Variants in MAML2 observed in about 807,000 individuals in gnomAD.
MAML2 encodes the protein mastermind like transcriptional coactivator 2.
Under a neutral mutation model 96.1 loss-of-function variants are expected in MAML2, and 22 were observed. That is an observed-to-expected ratio of 0.23 (90% CI 0.16 to 0.33). The LOEUF (loss-of-function observed/expected upper bound fraction) is 0.33. MAML2 is among the 10% of genes least tolerant of loss of function. The probability of loss-of-function intolerance (pLI) is 1.00; values close to 1 mark genes in which losing one functional copy is unlikely to be tolerated. For missense variants in MAML2, 1,367 were observed against 1,392.4 expected, an observed-to-expected ratio of 0.98 and a Z score of 0.29; for synonymous variants, 561 against 521.3, an observed-to-expected ratio of 1.08 and a Z score of -1.04.
intron 1 of MAML2, among the ~76,000 whole-genome samples, chr11:96,213,565 G>T (rs924093026): frequency 6.6e-6 from 1 of 152,194 alleles, no homozygotes; most frequent in Non-Finnish European, 1.5e-5. Flanking sequence ...GCCTTAAGAA[G>T]TGTAGATGGC....
chr11:96,060,592 G>C (rs1384005494), intron 2 of MAML2, among the ~76,000 whole-genome samples: 1 of 152,118 alleles, frequency 6.6e-6, no homozygotes, highest in Non-Finnish European at 1.5e-5. Flanking sequence ...GACCTAATGA[G>C]AAGAAAGTGG....
intron 4 of MAML2, among the ~76,000 whole-genome samples, chr11:95,985,256 G>T (rs1330527127): frequency 6.6e-6 from 1 of 152,198 alleles, no homozygotes; most frequent in African/African-American, 2.4e-5. Flanking sequence ...TTTGGAAGGA[G>T]AATGATTGAA....
At chr11:96,078,997 G>C (rs1039459438) in intron 2 of MAML2, among the ~76,000 whole-genome samples, 1 of 152,186 alleles carries the variant, frequency 6.6e-6, no homozygotes, top group Non-Finnish European at 1.5e-5. Flanking sequence ...TTTTCCACCT[G>C]TAATTCTGAA....
intron 2 of MAML2, among the ~76,000 whole-genome samples, chr11:96,051,975 G>C (rs1422265848): frequency 6.6e-6 from 1 of 152,176 alleles, no homozygotes; most frequent in African/African-American, 2.4e-5. Flanking sequence ...TTAGAAACTA[G>C]ACTATGAGAT....
intron 1 of MAML2, among the ~76,000 whole-genome samples, chr11:96,226,763 A>C (rs577862286): frequency 6.6e-6 from 1 of 152,338 alleles, no homozygotes; most frequent in Non-Finnish European, 1.5e-5. Context: ...ATTTATTATT[A>C]TTCTTATTCT....
At chr11:96,002,745 G>GGGA (rs1322645602) in intron 2 of MAML2, among the ~76,000 whole-genome samples, 59 of 134,412 alleles carry the variant, frequency 4.4e-4, no homozygotes, top group African/African-American at 1.6e-3. Flanking sequence ...AAAGATGATC[G>GGGA]GGATGATGAG....
intron 1 of MAML2, among the ~76,000 whole-genome samples, chr11:96,294,979 G>A (rs1863270783): frequency 6.6e-6 from 1 of 152,088 alleles, no homozygotes; most frequent in Non-Finnish European, 1.5e-5. Context: ...GTTCTCTTTG[G>A]CCAGTAACAT....
At chr11:96,156,452 G>A (rs1187972366) in intron 1 of MAML2, among the ~76,000 whole-genome samples, 1 of 152,064 alleles carries the variant, frequency 6.6e-6, no homozygotes, top group Non-Finnish European at 1.5e-5. Flanking sequence ...CTCATTGTTG[G>A]GATGGCTGCC....
intron 1 of MAML2, among the ~76,000 whole-genome samples, chr11:96,099,692 G>A (rs936639819): frequency 6.6e-6 from 1 of 152,150 alleles, no homozygotes; most frequent in Non-Finnish European, 1.5e-5. Context: ...CTAAAAAGGA[G>A]GTTGTGGGTT....
intron 2 of MAML2, among the ~76,000 whole-genome samples, chr11:96,069,044 C>T (rs2135786025): frequency 6.7e-6 from 1 of 149,970 alleles, no homozygotes; most frequent in South Asian, 2.2e-4. Context: ...GTCTCAGCTT[C>T]ATGAGTAGCT....
At chr11:96,074,904 G>T (rs930134784) in intron 2 of MAML2, among the ~76,000 whole-genome samples, 2 of 152,178 alleles carry the variant, frequency 1.3e-5, no homozygotes, top group African/African-American at 2.4e-5. Context: ...TGGGAGTACT[G>T]GAGGGCAGGG....
At chr11:96,112,219 A>G (rs1037726650) in intron 1 of MAML2, among the ~76,000 whole-genome samples, 1 of 152,230 alleles carries the variant, frequency 6.6e-6, no homozygotes, top group African/African-American at 2.4e-5. Context: ...CAACCAAACA[A>G]TTTCATAGTG....
At chr11:96,157,066 G>A (rs1375122467) in intron 1 of MAML2, among the ~76,000 whole-genome samples, 1 of 152,206 alleles carries the variant, frequency 6.6e-6, no homozygotes, top group Non-Finnish European at 1.5e-5. Flanking sequence ...TTCAGCAGAG[G>A]AAGGAAGTGC....
chr11:96,112,390 G>A (rs891445333), intron 1 of MAML2, among the ~76,000 whole-genome samples: 6 of 152,248 alleles, frequency 3.9e-5, no homozygotes, highest in African/African-American at 7.2e-5. Context: ...GCATGGCCTC[G>A]GGCCTGCCTC....
intron 1 of MAML2, among the ~76,000 whole-genome samples, chr11:96,150,581 A>G (rs1268386200): frequency 6.6e-6 from 1 of 152,198 alleles, no homozygotes; most frequent in Admixed American, 6.5e-5. Flanking sequence ...CAGGATGATG[A>G]GAGCAGAGAG....
At chr11:96,248,587 C>T (rs1413772512) in intron 1 of MAML2, among the ~76,000 whole-genome samples, 1 of 152,114 alleles carries the variant, frequency 6.6e-6, no homozygotes, top group Non-Finnish European at 1.5e-5. Flanking sequence ...GGGACTTCAC[C>T]CCAGCAATTC....
At chr11:96,263,241 G>A (rs1862776670) in intron 1 of MAML2, among the ~76,000 whole-genome samples, 1 of 152,166 alleles carries the variant, frequency 6.6e-6, no homozygotes, top group African/African-American at 2.4e-5. Context: ...TCCAATTCAG[G>A]TATGTTTTGA....
intron 1 of MAML2, among the ~76,000 whole-genome samples, chr11:96,248,062 T>C (rs1027447318): frequency 2.0e-5 from 3 of 152,010 alleles, no homozygotes; most frequent in Non-Finnish European, 4.4e-5. Context: ...TAATAATTTG[T>C]ACATATTGGG....
intron 1 of MAML2, among the ~76,000 whole-genome samples, chr11:96,288,414 C>T (rs1863167511): frequency 6.6e-6 from 1 of 152,070 alleles, no homozygotes; most frequent in Non-Finnish European, 1.5e-5. Context: ...TGATGACAGG[C>T]ACCTGTAATC....
Sources: allele counts gnomAD v4.1 joint callset (sites outside exome capture counted in the v4.1 genomes callset), GRCh38; gene constraint gnomAD v4.1.1; transcripts MANE v1.5; gene names NCBI Gene and HGNC (gene_info 2026-07-23, HGNC 2026-07-21).